The following ATP5MC2 variants were observed in gnomAD, a reference collection of about 807,000 sequenced individuals.
The protein encoded by ATP5MC2 is ATP synthase F(0) complex subunit C2, mitochondrial.
In ATP5MC2, 11 loss-of-function variants were observed where a neutral mutation model predicts 13.5. That is an observed-to-expected ratio of 0.81 (90% confidence interval 0.51 to 1.35). The LOEUF (loss-of-function observed/expected upper bound fraction) is 1.35, where lower values mean the gene tolerates loss of function less well. Among genes scored for constraint, ATP5MC2 ranks in the 40% most tolerant of loss-of-function variants. ATP5MC2 has a pLI of 0.00. For synonymous variants in ATP5MC2, 64 were observed against 69.7 expected (o/e 0.92, Z 0.41); for missense variants, 132 against 175.0 (o/e 0.75, Z 1.39).
At chr12:53,673,578 C>T (rs1291774459) in intron 1 of ATP5MC2, 4 of 152,980 alleles carry the variant, frequency 2.6e-5, no homozygotes, top group African/African-American at 9.7e-5. Context: ...AATCCTAGCA[C>T]TTTAGGAGGC....
At chr12:53,670,780 G>A (rs1462092414) in intron 2 of ATP5MC2, among the ~76,000 whole-genome samples, 1 of 151,596 alleles carries the variant, frequency 6.6e-6, no homozygotes, top group Non-Finnish European at 1.5e-5. Flanking sequence ...CGGCAACCAC[G>A]CCCAGCTAAT....
At chr12:53,678,313 T>C (rs933106926), upstream of ATP5MC2, among the ~76,000 whole-genome samples, 1 of 152,130 alleles carries the variant, frequency 6.6e-6, no homozygotes, top group African/African-American at 2.4e-5. Flanking sequence ...AAGAGTTCAG[T>C]AATTGCTAGC....
chr12:53,671,341 T>C (rs1390930830), intron 2 of ATP5MC2, among the ~76,000 whole-genome samples: 3 of 152,262 alleles, frequency 2.0e-5, no homozygotes, highest in Admixed American at 6.5e-5. Flanking sequence ...TGAGATTATG[T>C]ATACCAATTA....
At chr12:53,667,954 CACATATATATATATATATATATATAT>C (rs1476112026) in intron 4 of ATP5MC2, among the ~76,000 whole-genome samples, 1 of 26,968 alleles carries the variant, frequency 3.7e-5, no homozygotes, top group African/African-American at 7.6e-5. Context: ...TACATACACA[CACATATATATATATATATATATATAT>C]ATATATATAT....
chr12:53,668,219 C>G (rs921064053), intron 4 of ATP5MC2, among the ~76,000 whole-genome samples: 2 of 151,060 alleles, frequency 1.3e-5, no homozygotes, highest in African/African-American at 2.4e-5. Flanking sequence ...AAACTCCTGA[C>G]GTCAGGTGAT....
At chr12:53,676,608 C>A (rs1293255290), upstream of ATP5MC2, 1 of 191,988 alleles carries the variant, frequency 5.2e-6, no homozygotes, top group Non-Finnish European at 1.1e-5. Flanking sequence ...CTTTCCCCCA[C>A]TCCCCGTTTC....
chr12:53,667,641 C>T (rs1944955496), intron 4 of ATP5MC2, among the ~76,000 whole-genome samples: 1 of 151,924 alleles, frequency 6.6e-6, no homozygotes, highest in Non-Finnish European at 1.5e-5. Flanking sequence ...GGATTACAGG[C>T]ATCTGCCACC....
upstream of ATP5MC2, chr12:53,676,327 C>T (rs545537617): frequency 2.1e-5 from 29 of 1,383,668 alleles, no homozygotes; most frequent in South Asian, 3.1e-4. Flanking sequence ...GTAACGTGGA[C>T]TGCGGTTTGG....
upstream of ATP5MC2, among the ~76,000 whole-genome samples, chr12:53,678,947 G>A (rs1025485214): frequency 1.1e-4 from 16 of 152,136 alleles, no homozygotes; most frequent in Admixed American, 9.8e-4. Context: ...CCTGCCCAGT[G>A]GTGACGAAGA....
chr12:53,678,953 G>T (rs981217088), upstream of ATP5MC2, among the ~76,000 whole-genome samples: 1 of 152,114 alleles, frequency 6.6e-6, no homozygotes, highest in Non-Finnish European at 1.5e-5. Flanking sequence ...CAGTGGTGAC[G>T]AAGAAATGAG....
At chr12:53,677,080 A>G (rs1945295588), upstream of ATP5MC2, 1 of 152,136 alleles carries the variant, frequency 6.6e-6, no homozygotes, top group South Asian at 2.1e-4. Context: ...CAAACCCCAT[A>G]AAAAATAAAA....
intron 1 of ATP5MC2, chr12:53,673,454 T>C (rs1186134027): frequency 2.0e-5 from 3 of 152,344 alleles, no homozygotes; most frequent in East Asian, 1.9e-4. Flanking sequence ...AAGTATCTGA[T>C]TCCTGAAAAT....
At chr12:53,679,952 G>A (rs1314707118), upstream of ATP5MC2, among the ~76,000 whole-genome samples, 2 of 152,266 alleles carry the variant, frequency 1.3e-5, no homozygotes, top group South Asian at 2.1e-4. Context: ...TGCTGGGGAA[G>A]AACTTCACCT....
upstream of ATP5MC2, chr12:53,676,570 T>A (rs1039864228): frequency 1.0e-5 from 2 of 200,930 alleles, no homozygotes; most frequent in African/African-American, 4.6e-5. Context: ...GTCAGCAAAA[T>A]GCCGCAGCTG....
chr12:53,676,207 C>G, upstream of ATP5MC2: 2 of 1,609,784 alleles, frequency 1.2e-6, no homozygotes, highest in Non-Finnish European at 8.5e-7. Flanking sequence ...GCGCCGCCTG[C>G]CAGGGCTGTG....
At chr12:53,671,858 C>G (rs1389988995) in intron 2 of ATP5MC2, among the ~76,000 whole-genome samples, 12 of 151,900 alleles carry the variant, frequency 7.9e-5, no homozygotes, top group Admixed American at 7.9e-4. Context: ...ATGGAGAAAC[C>G]CTGTCTCTAC....
chr12:53,676,029 G>A (rs376003666), intron 1 of ATP5MC2, 24 bp downstream of exon 1: 18 of 1,609,620 alleles, frequency 1.1e-5, no homozygotes, highest in Non-Finnish European at 1.4e-5. Context: ...AGCGCACAGA[G>A]GGCTCTAGGT....
upstream of ATP5MC2, among the ~76,000 whole-genome samples, chr12:53,680,024 T>C (rs1166816472): frequency 6.6e-6 from 1 of 152,206 alleles, no homozygotes; most frequent in African/African-American, 2.4e-5. Context: ...CTTGTTCTGT[T>C]ACCCAGGCTG....
intron 2 of ATP5MC2, among the ~76,000 whole-genome samples, chr12:53,670,837 G>T (rs940179512): frequency 6.6e-6 from 1 of 151,830 alleles, no homozygotes; most frequent in Non-Finnish European, 1.5e-5. Flanking sequence ...TGGCCAGGCT[G>T]GTTTTGAATT....
Sources: gnomAD v4.1 joint callset for allele counts (sites outside exome capture counted in the v4.1 genomes callset) on GRCh38, gnomAD v4.1.1 for gene constraint, MANE v1.5 for transcripts, NCBI Gene and HGNC (gene_info 2026-07-23, HGNC 2026-07-21) for gene names.